Variants in MSI2 observed in about 807,000 individuals in gnomAD.
MSI2 encodes musashi RNA binding protein 2.
A neutral mutation model predicts 45.6 loss-of-function variants in MSI2; 17 were observed. The ratio of observed to expected loss-of-function variants is 0.37; its 90% CI spans 0.26 to 0.56. MSI2 has a LOEUF of 0.56. MSI2 is among the 20% of genes least tolerant of loss of function. The probability of loss-of-function intolerance (pLI) is 0.77; values close to 1 mark genes in which losing one functional copy is unlikely to be tolerated. For missense variants in MSI2, 293 were observed against 444.2 expected (o/e 0.66, Z 3.06); for synonymous variants, 156 against 158.2 (o/e 0.99, Z 0.11).
rs575791146 is a variant in MSI2, at chr17:57,573,211, C to T, written c.455-23657C>T. On this transcript the variant is annotated intron_variant, in intron 7 of 13. Coordinates refer to ENST00000284073, the MANE Select transcript of MSI2 (RefSeq NM_138962.4). The stretch of plus-strand genomic sequence containing the variant: ...AGATATTGCCTTACATTTATATTTC[C>T]CAAATGCATTGATCCCTATAATGAC... Among the ~76,000 whole-genome samples the T allele has an allele frequency of 3.3e-5, 5 of 152,216 alleles. No individual in the cohort carries two copies. In the South Asian group the frequency reaches 8.3e-4, roughly 25 times the overall value.
intron 8 of MSI2, among the ~76,000 whole-genome samples, chr17:57,599,550 T>A (rs1243959172): frequency 1.3e-5 from 2 of 152,216 alleles, no homozygotes; most frequent in African/African-American, 2.4e-5. Context: ...AGGGTGACTA[T>A]GTCAGGTGCA....
intron 6 of MSI2, among the ~76,000 whole-genome samples, chr17:57,435,380 G>A (rs879538008): frequency 7.9e-5 from 12 of 152,190 alleles, no homozygotes; most frequent in Admixed American, 2.6e-4. Context: ...GATGGGCCAC[G>A]CAGAGCCTTG....
chr17:57,388,276 G>A (rs2083719853), intron 5 of MSI2, among the ~76,000 whole-genome samples: 2 of 152,224 alleles, frequency 1.3e-5, no homozygotes, highest in South Asian at 4.1e-4. Flanking sequence ...ACTTGTGGAG[G>A]TTGGAAGAGG....
At chr17:57,339,818 A>G (rs1462120759) in intron 5 of MSI2, among the ~76,000 whole-genome samples, 1 of 152,116 alleles carries the variant, frequency 6.6e-6, no homozygotes, top group African/African-American at 2.4e-5. Flanking sequence ...AAACTTTTCC[A>G]GCTTCCCATG....
intron 7 of MSI2, among the ~76,000 whole-genome samples, chr17:57,565,244 G>T (rs1297834109): frequency 2.6e-5 from 4 of 152,188 alleles, no homozygotes; most frequent in African/African-American, 7.2e-5. Context: ...TCCAGAGAAG[G>T]AAGAGATCAT....
At chr17:57,587,472 C>T (rs1904403690) in intron 7 of MSI2, among the ~76,000 whole-genome samples, 1 of 152,328 alleles carries the variant, frequency 6.6e-6, no homozygotes, top group Non-Finnish European at 1.5e-5. Context: ...TGTGCAGTTC[C>T]ATGGAACTAG....
intron 5 of MSI2, among the ~76,000 whole-genome samples, chr17:57,392,412 C>T (rs1233527924): frequency 6.6e-6 from 1 of 152,230 alleles, no homozygotes. Context: ...AGATCACCTT[C>T]TCCTGTAGGT....
intron 7 of MSI2, among the ~76,000 whole-genome samples, chr17:57,544,529 G>T (rs767304542): frequency 5.3e-5 from 8 of 152,236 alleles, no homozygotes; most frequent in Admixed American, 1.3e-4. Context: ...GGCAGTAGCA[G>T]CTGGGGTGGG....
intron 5 of MSI2, among the ~76,000 whole-genome samples, chr17:57,361,460 G>A (rs1002062178): frequency 2.0e-5 from 3 of 151,736 alleles, no homozygotes; most frequent in Admixed American, 6.6e-5. Context: ...AAAAAAATTA[G>A]CCTGGGCATG....
intron 6 of MSI2, among the ~76,000 whole-genome samples, chr17:57,525,274 G>GT (rs539872396): frequency 6.8e-4 from 104 of 151,988 alleles, no homozygotes; most frequent in Middle Eastern, 3.4e-3. Flanking sequence ...TGCTTTTTTG[G>GT]GGGGGGCAGG....
intron 6 of MSI2, among the ~76,000 whole-genome samples, chr17:57,527,471 G>GGGA (rs1555618934): frequency 1.3e-5 from 2 of 152,020 alleles, no homozygotes; most frequent in South Asian, 4.2e-4. Flanking sequence ...CGTCGGCGGG[G>GGGA]GCTCTTGAAG....
At chr17:57,365,273 A>G (rs758936902) in intron 5 of MSI2, among the ~76,000 whole-genome samples, 3 of 152,224 alleles carry the variant, frequency 2.0e-5, no homozygotes, top group Non-Finnish European at 4.4e-5. Context: ...TCTGTGAAAC[A>G]TGATGTTTCT....
intron 6 of MSI2, among the ~76,000 whole-genome samples, chr17:57,490,267 G>A (rs764217151): frequency 2.0e-5 from 3 of 152,130 alleles, no homozygotes; most frequent in Admixed American, 6.5e-5. Flanking sequence ...CTTCCTTTTA[G>A]GCCCCACAGA....
chr17:57,536,650 G>A (rs1277857372), intron 7 of MSI2, among the ~76,000 whole-genome samples: 1 of 152,166 alleles, frequency 6.6e-6, no homozygotes, highest in African/African-American at 2.4e-5. Context: ...GGGTTTATTG[G>A]AAGCCTGTAA....
chr17:57,257,057 C>T (rs759744174), intron 1 of MSI2, 41 bp from the exon 2 acceptor site: 11 of 1,521,740 alleles, frequency 7.2e-6, no homozygotes. Context: ...AATGGCCGAT[C>T]TGACATCGGT....
rs947256340 is a variant in MSI2, at chr17:57,682,026, GGT to G, written c.*2510_*2511del. On this transcript the variant is annotated 3_prime_UTR_variant, in exon 14 of 14. Transcript: ENST00000284073. ...GGCTATCTTGTAAGCGTGCTGTCCT[GGT>G]ACTAGTGTAGCGACTTTTTTTCTCC... 4.8e-6 allele frequency: 1 copy of G among 208,258 alleles called. No homozygotes were observed. Among genetic ancestry groups the G allele is most frequent in the African/African-American group, 2.3e-5 (1 of 43,800 alleles). 12.9% of individuals were successfully genotyped at this position (208,258 alleles called of 1,614,324 possible). A position where few individuals can be genotyped will look rare whatever the true frequency, so the allele number is the denominator to read the frequency against.
chr17:57,474,662 C>G (rs2085503845), intron 6 of MSI2, among the ~76,000 whole-genome samples: 1 of 152,056 alleles, frequency 6.6e-6, no homozygotes, highest in Non-Finnish European at 1.5e-5. Flanking sequence ...CATGCTGTTA[C>G]TCTTTGTGGG....
At chr17:57,642,826 C>G (rs951472254) in intron 10 of MSI2, among the ~76,000 whole-genome samples, 1 of 152,186 alleles carries the variant, frequency 6.6e-6, no homozygotes. Context: ...TGCGGAAGTT[C>G]TGGGTGACTG....
intron 5 of MSI2, among the ~76,000 whole-genome samples, chr17:57,324,068 G>A (rs1214846970): frequency 1.3e-5 from 2 of 152,220 alleles, no homozygotes; most frequent in Non-Finnish European, 2.9e-5. Flanking sequence ...CAGCACTATG[G>A]AAACTGAGGT....
Sources: gnomAD v4.1 joint callset for allele counts (sites outside exome capture counted in the v4.1 genomes callset) on GRCh38, gnomAD v4.1.1 for gene constraint, MANE v1.5 for transcripts, NCBI Gene and HGNC (gene_info 2026-07-23, HGNC 2026-07-21) for gene names.